The following PCDH9 variants were observed in gnomAD, a reference collection of about 807,000 sequenced individuals.
The protein encoded by PCDH9 is protocadherin-9.
Under a neutral mutation model 70.6 loss-of-function variants are expected in PCDH9, and 24 were observed. The observed-to-expected ratio is 0.34, with a 90% CI of 0.25 to 0.48. PCDH9 has a LOEUF of 0.48. Ranked by LOEUF, PCDH9 falls within the 20% of genes least tolerant of loss-of-function variation. The pLI is 0.99. For synonymous variants in PCDH9, 562 were observed against 558.5 expected (o/e 1.01, Z -0.09); for missense variants, 1,281 against 1,503.6 (o/e 0.85, Z 2.45).
intron 4 of PCDH9, among the ~76,000 whole-genome samples, chr13:66,333,929 T>G (rs1464307459): frequency 6.6e-6 from 1 of 152,170 alleles, no homozygotes; most frequent in Non-Finnish European, 1.5e-5. Context: ...ACACTCTTAC[T>G]GATACATAAT....
At chr13:66,470,673 C>A (rs1432722704) in intron 4 of PCDH9, among the ~76,000 whole-genome samples, 1 of 149,684 alleles carries the variant, frequency 6.7e-6, no homozygotes, top group East Asian at 2.0e-4. Flanking sequence ...GAGAAAAAGC[C>A]AAGGGGGGAT....
chr13:66,728,902 A>G (rs1212155536), intron 3 of PCDH9, among the ~76,000 whole-genome samples: 1 of 151,952 alleles, frequency 6.6e-6, no homozygotes, highest in East Asian at 1.9e-4. Context: ...CCAAAATGTT[A>G]GCTTTTTGCC....
intron 4 of PCDH9, among the ~76,000 whole-genome samples, chr13:66,367,669 T>C (rs1329774041): frequency 6.6e-6 from 1 of 152,152 alleles, no homozygotes; most frequent in Non-Finnish European, 1.5e-5. Context: ...CATGGTGTGA[T>C]AGAGCCTCAC....
At chr13:67,099,152 G>A (rs1477967547) in intron 2 of PCDH9, among the ~76,000 whole-genome samples, 1 of 152,166 alleles carries the variant, frequency 6.6e-6, no homozygotes, top group East Asian at 1.9e-4. Flanking sequence ...GAAACGCTGT[G>A]AATACTGCAT....
intron 4 of PCDH9, among the ~76,000 whole-genome samples, chr13:66,604,640 A>G (rs2077201165): frequency 6.6e-6 from 1 of 152,142 alleles, no homozygotes; most frequent in Admixed American, 6.6e-5. Flanking sequence ...CTGTTAACTC[A>G]GTACGTAATA....
intron 4 of PCDH9, among the ~76,000 whole-genome samples, chr13:66,360,943 A>AT (rs377325895): frequency 6.6e-6 from 1 of 152,044 alleles, no homozygotes; most frequent in African/African-American, 2.4e-5. Context: ...AGCTGAGCTA[A>AT]TTTTTTTATG....
chr13:66,998,729 C>A (rs1278535068), intron 2 of PCDH9, among the ~76,000 whole-genome samples: 4 of 152,116 alleles, frequency 2.6e-5, no homozygotes, highest in African/African-American at 4.8e-5. Flanking sequence ...TATAACCAGC[C>A]CTTACACTCA....
rs1187617603 is a variant in PCDH9, at chr13:66,631,329, A to G, written c.3221T>C (p.Val1074Ala). 7 of 1,607,868 alleles carry G rather than the reference A, an allele frequency of 4.4e-6. No homozygotes were observed. Among genetic ancestry groups the G allele is most frequent in the Non-Finnish European group, 5.1e-6 (6 of 1,174,492 alleles). The change falls in exon 4 of 5, where the codon GTG becomes GCG. Residue 1074 changes from valine to alanine, a missense_variant. Physicochemically the swap from Val to Ala is moderately conservative, Grantham distance 64. This residue lies in a region of PCDH9 where 264 missense variants were observed against 278.8 expected (regional missense o/e 0.95). Coordinates refer to ENST00000377865, the MANE Select transcript of PCDH9 (RefSeq NM_203487.3). ...SDSGLGDHEPVGSGTLISHPL... is the reference protein window; with the variant it reads ...SDSGLGDHEPAGSGTLISHPL... ...GTGTGAGATCAGGGTTCCACTACCC[A>G]CCGGCTCATGGTCTCCTAGACCACT...
At chr13:67,067,694 A>G (rs2085676484) in intron 2 of PCDH9, among the ~76,000 whole-genome samples, 1 of 148,854 alleles carries the variant, frequency 6.7e-6, no homozygotes, top group South Asian at 2.2e-4. Flanking sequence ...AGAATGCCTG[A>G]CAGCGGCGAA....
At chr13:67,189,342 TAA>T (rs1422785435) in intron 2 of PCDH9, among the ~76,000 whole-genome samples, 3 of 152,064 alleles carry the variant, frequency 2.0e-5, no homozygotes, top group African/African-American at 7.2e-5. Context: ...ACTGATTCAT[TAA>T]GTTTTATTTA....
At position 66,303,111 on chromosome 13, in the gene PCDH9, T is replaced by G. The variant is rs1012704407; in HGVS notation, c.*1544A>C. On this transcript the variant is annotated 3_prime_UTR_variant, in exon 5 of 5. Coordinates refer to ENST00000377865, the MANE Select transcript of PCDH9 (RefSeq NM_203487.3). ...TAGCAAACCTTTTTTTTAAATTTTT[T>G]GTTTTTTTTTTGTTTTTTTTACTTT... 6.6e-6 allele frequency: 1 copy of G among 152,290 alleles called. No individual in the cohort carries two copies. Among genetic ancestry groups the G allele is most frequent in the East Asian group, 1.9e-4 (1 of 5,182 alleles). The allele number at this position is 152,290 out of a possible 1,614,324, so 9.4% of individuals were successfully genotyped here.
At chr13:67,038,770 C>T (rs1408994483) in intron 2 of PCDH9, among the ~76,000 whole-genome samples, 1 of 152,130 alleles carries the variant, frequency 6.6e-6, no homozygotes, top group East Asian at 1.9e-4. Context: ...CTGGAGTGAT[C>T]ACGTTGGTAG....
chr13:66,902,221 G>A (rs2082287564), intron 3 of PCDH9, among the ~76,000 whole-genome samples: 1 of 151,536 alleles, frequency 6.6e-6, no homozygotes, highest in Admixed American at 6.6e-5. Context: ...AAGTATATAT[G>A]CTGAAGTTTA....
intron 2 of PCDH9, chr13:67,216,224 T>A (rs1332264292): frequency 6.6e-6 from 1 of 152,148 alleles, no homozygotes; most frequent in African/African-American, 2.4e-5. Flanking sequence ...TTTACTTAAT[T>A]ATTATCATGC....
At chr13:67,045,388 T>C (rs940599847) in intron 2 of PCDH9, among the ~76,000 whole-genome samples, 1 of 152,132 alleles carries the variant, frequency 6.6e-6, no homozygotes, top group African/African-American at 2.4e-5. Context: ...CATCACAGTC[T>C]ATGTTACTTT....
chr13:67,075,590 T>C (rs1334414443), intron 2 of PCDH9, among the ~76,000 whole-genome samples: 1 of 152,082 alleles, frequency 6.6e-6, no homozygotes, highest in African/African-American at 2.4e-5. Flanking sequence ...TCTTAAAATT[T>C]TACTATCTCT....
chr13:66,645,298 C>T (rs948274766), intron 3 of PCDH9, among the ~76,000 whole-genome samples: 2 of 151,930 alleles, frequency 1.3e-5, no homozygotes, highest in South Asian at 2.1e-4. Context: ...TATAATCTCC[C>T]GTAGTGTTTG....
chr13:66,953,079 C>CA (rs5804303), intron 2 of PCDH9, among the ~76,000 whole-genome samples: 196 of 148,722 alleles, frequency 1.3e-3, no homozygotes, highest in African/African-American at 4.4e-3. Flanking sequence ...TTTCTATAGT[C>CA]AAAAAAAAAC....
chr13:66,377,496 A>G (rs1271916554), intron 4 of PCDH9, among the ~76,000 whole-genome samples: 1 of 151,952 alleles, frequency 6.6e-6, no homozygotes, highest in Non-Finnish European at 1.5e-5. Flanking sequence ...TTCATTCTTA[A>G]AAGAAAAAAA....
Sources: gnomAD v4.1 joint callset for allele counts (sites outside exome capture counted in the v4.1 genomes callset) on GRCh38, gnomAD v4.1.1 for gene constraint, gnomAD v4.1.1 regional missense constraint, MANE v1.5 for transcripts, NCBI Gene and HGNC (gene_info 2026-07-23, HGNC 2026-07-21) for gene names.